Variants in GOLGA6L9 observed in about 807,000 individuals in gnomAD.
GOLGA6L9 encodes golgin A6 family like 9.
Under a neutral mutation model 51.3 loss-of-function variants are expected in GOLGA6L9, and 19 were observed. The ratio of observed to expected loss-of-function variants is 0.37; its 90% CI spans 0.26 to 0.54. The LOEUF is 0.54. Among genes scored for constraint, GOLGA6L9 ranks in the 20% least tolerant of loss-of-function variants. The pLI is 0.83. For missense variants in GOLGA6L9, 247 were observed against 464.1 expected (o/e 0.53, Z 4.30); for synonymous variants, 97 against 184.2 (o/e 0.53, Z 3.83).
chr15:82,419,215 T>C, the GOLGA6L9 span: 1 of 262,268 alleles, frequency 3.8e-6, no homozygotes, highest in Non-Finnish European at 7.7e-6. Flanking sequence ...AAGGTATGTA[T>C]TGGGTGGAGG....
chr15:82,437,315 T>TA lies in GOLGA6L9; in HGVS notation c.*905dup, dbSNP rs1359133276. On this transcript the variant is annotated 3_prime_UTR_variant, in exon 9 of 9. Transcript: ENST00000618348. ...AACCTTTTCTAGCTGAGAGCATTTA[T>TA]ATCTACAATACATTTTAAAGTCAGA... 1 of 114,830 alleles carries TA rather than the reference T, an allele frequency of 8.7e-6. No individual in the cohort carries two copies. Among genetic ancestry groups the TA allele is most frequent in the African/African-American group, 3.7e-5 (1 of 27,258 alleles). 7.1% of individuals were successfully genotyped at this position (114,830 alleles called of 1,614,324 possible). A position where few individuals can be genotyped will look rare whatever the true frequency, so the allele number is the denominator to read the frequency against.
In GOLGA6L9 at chr15:82,430,174, C is replaced by T; in HGVS notation, c.84+11C>T. The T allele has an allele frequency of 1.5e-6, 1 of 653,828 alleles. No homozygotes were observed. Among genetic ancestry groups the T allele is most frequent in the Non-Finnish European group, 2.5e-6 (1 of 396,084 alleles). The allele number at this position is 653,828 out of a possible 1,614,324, so 40.5% of individuals were successfully genotyped here. A position where few individuals can be genotyped will look rare whatever the true frequency, so the allele number is the denominator to read the frequency against. ...GCAGCCAAGAAAAAGGTAAAACACA[C>T]CAGGTCATGGCCCCCAACCCAGCCA... is the stretch of plus-strand genomic sequence containing the variant. On this transcript the variant is annotated intron_variant, in intron 1 of 8. Coordinates refer to ENST00000618348, the MANE Select transcript of GOLGA6L9 (RefSeq NM_198181.4).
chr15:82,434,105 C>T lies in GOLGA6L9; in HGVS notation c.505C>T (p.Leu169=). 1 of 1,523,112 alleles carries T rather than the reference C, an allele frequency of 6.6e-7. No homozygotes were observed. The highest frequency in any genetic ancestry group is 1.2e-5 in the South Asian group (1 of 82,966). The allele number at this position is 1,523,112 out of a possible 1,614,324, so 94.3% of individuals were successfully genotyped here. A position where few individuals can be genotyped will look rare whatever the true frequency, so the allele number is the denominator to read the frequency against. The part of the protein sequence containing the change: ...MEQLQDETNH[L]RKELESVGRQ... ...GCAGCTACAAGATGAGACCAACCAC[C>T]TAAGGAAGGAGCTAGAGAGTGTGGG... is the stretch of plus-strand genomic sequence containing the variant. The change falls in exon 6 of 9, where the codon CTA becomes TTA. Residue 169 remains leucine, a synonymous_variant. Transcript: ENST00000618348.
rs2031552915 is a variant in GOLGA6L9, at chr15:82,434,221, G to T, written c.621G>T (p.Arg207Ser). ...QEERLREQEE[R>S]LREQEERLCE... ...AGAGGCTACGTGAACAGGAGGAGAG[G>T]CTACGTGAACAGGAGGAGAGGCTGT... Residue 207 changes from arginine to serine, a missense_variant, in exon 6 of 9, where the codon AGG becomes AGT. Transcript: ENST00000618348. The T allele has an allele frequency of 1.9e-6, 3 of 1,561,508 alleles. No individual in the cohort carries two copies. In the Admixed American group the frequency reaches 5.5e-5, roughly 29 times the overall value.
chr15:82,424,654 T>C, the GOLGA6L9 span, among the ~76,000 whole-genome samples: 2 of 151,580 alleles, frequency 1.3e-5, no homozygotes, highest in Non-Finnish European at 2.9e-5. Context: ...ATGGAAGTTT[T>C]AGGGAAAACA....
In GOLGA6L9 at chr15:82,432,572, T is replaced by G. The variant is rs1401569080; in HGVS notation, c.205T>G (p.Ser69Ala). 1 of 1,602,822 alleles carries G rather than the reference T, an allele frequency of 6.2e-7. No homozygotes were observed. Among genetic ancestry groups the G allele is most frequent in the Non-Finnish European group, 8.5e-7 (1 of 1,179,488 alleles). ...TSGGYHSPGD[S>A]ATGIYGEGRA... ...CCATGTGCACTCTCATCTCTTGGAG[T>G]CAGCAACAGGTATCTACGGGGAGGG... The change falls in exon 3 of 9, where the codon TCA becomes GCA. Residue 69 changes from serine (S) to alanine (A), a missense_variant and splice_region_variant. This residue lies in a region of GOLGA6L9 where 74 missense variants were observed against 91.2 expected (regional missense o/e 0.81). Coordinates refer to ENST00000618348, the MANE Select transcript of GOLGA6L9 (RefSeq NM_198181.4).
upstream of GOLGA6L9, among the ~76,000 whole-genome samples, chr15:82,425,905 A>G (rs1435694403): frequency 1.3e-4 from 19 of 150,264 alleles, 1 homozygote; most frequent in Non-Finnish European, 2.5e-4. Context: ...CTGAAATGAT[A>G]TATAAGAAAC....
At position 82,437,699 on chromosome 15, in the gene GOLGA6L9, T is replaced by C. The variant is rs1437456072; in HGVS notation, c.*1288T>C. On this transcript the variant is annotated 3_prime_UTR_variant, in exon 9 of 9. Transcript: ENST00000618348. ...ACAAACATTATTATAAACTAATATA[T>C]GTGAGAGTACTTAGTTGAAACAAAA... 2.0e-5 allele frequency: 3 copies of C among 147,824 alleles called. No homozygotes were observed. The highest frequency in any genetic ancestry group is 4.5e-5 in the Non-Finnish European group (3 of 66,862). The allele number at this position is 147,824 out of a possible 1,614,324, so 9.2% of individuals were successfully genotyped here. A position where few individuals can be genotyped will look rare whatever the true frequency, so the allele number is the denominator to read the frequency against.
chr15:82,434,490 AGGAGACTCTGCGGGAGCT>A lies in GOLGA6L9; in HGVS notation c.896_913del (p.Thr299_Glu304del). The A allele has an allele frequency of 1.3e-6, 2 of 1,571,570 alleles. No homozygotes were observed. The highest frequency in any genetic ancestry group is 2.3e-5 in the East Asian group (1 of 43,954). On this transcript the variant is annotated inframe_deletion, in exon 6 of 9. Coordinates refer to ENST00000618348, the MANE Select transcript of GOLGA6L9 (RefSeq NM_198181.4). ...CAACAGGATGAGAGGCTGTGGCAGCAGGAGACTCTGCGGGAGCTGGAGAGGCTGCGGGAGCTGGAGAGG... is the reference window on the plus strand; with the variant it reads ...CAACAGGATGAGAGGCTGTGGCAGCAGGAGAGGCTGCGGGAGCTGGAGAGG...
chr15:82,424,526 G>A, the GOLGA6L9 span, among the ~76,000 whole-genome samples: 14 of 152,312 alleles, frequency 9.2e-5, no homozygotes, highest in South Asian at 2.3e-3. Flanking sequence ...AAACAAAAAG[G>A]AAACTATCAA....
At chr15:82,418,559 T>G in the GOLGA6L9 span, 1 of 152,224 alleles carries the variant, frequency 6.6e-6, no homozygotes, top group Non-Finnish European at 1.5e-5. Flanking sequence ...TGAAATTATT[T>G]TGTTTGAGAA....
chr15:82,429,053 A>G (rs1389644271), upstream of GOLGA6L9, among the ~76,000 whole-genome samples: 3 of 152,030 alleles, frequency 2.0e-5, no homozygotes, highest in Non-Finnish European at 4.4e-5. Context: ...TTGTGTTCCT[A>G]CTTATTTTGT....
the GOLGA6L9 span, among the ~76,000 whole-genome samples, chr15:82,416,876 C>G: frequency 6.6e-6 from 1 of 152,144 alleles, no homozygotes; most frequent in African/African-American, 2.4e-5. Context: ...ATAAGTCTCA[C>G]TCTTTGAAGT....
chr15:82,416,191 A>G, the GOLGA6L9 span, among the ~76,000 whole-genome samples: 1 of 152,158 alleles, frequency 6.6e-6, no homozygotes, highest in Non-Finnish European at 1.5e-5. Flanking sequence ...CTAGGAAAGA[A>G]TGAGGGGTTC....
At chr15:82,420,206 A>G in the GOLGA6L9 span, 4 of 182,124 alleles carry the variant, frequency 2.2e-5, no homozygotes, top group African/African-American at 7.1e-5. Context: ...TTTTGTTACA[A>G]AGATGATCTA....
intron 1 of GOLGA6L9, 151 bp downstream of exon 1, chr15:82,430,314 T>C: frequency 6.7e-6 from 2 of 299,112 alleles, no homozygotes; most frequent in South Asian, 2.3e-5. Context: ...GCCTAGTCAG[T>C]CAGCCCCACC....
chr15:82,417,902 TGA>T, the GOLGA6L9 span, among the ~76,000 whole-genome samples: 2 of 152,144 alleles, frequency 1.3e-5, no homozygotes, highest in Non-Finnish European at 2.9e-5. Flanking sequence ...ATTTAAGGAG[TGA>T]GAGAGAGATT....
rs1182565619 is a variant in GOLGA6L9 at position 82,429,863 on chromosome 15, C to G, written c.-217C>G. On this transcript the variant is annotated 5_prime_UTR_variant, in exon 1 of 9. Transcript: ENST00000618348. ...GCGGGGACAGCGGTTGCATGGGCAG[C>G]TTTCCTTATGATGCTACAGGTCCCT... Among the ~76,000 whole-genome samples, 126 of 152,208 alleles carry G rather than the reference C, an allele frequency of 8.3e-4. No individual in the cohort carries two copies. The highest frequency in any genetic ancestry group is 1.3e-3 in the Non-Finnish European group (89 of 68,024).
chr15:82,433,283 A>G (rs2031493687), intron 4 of GOLGA6L9, among the ~76,000 whole-genome samples: 1 of 151,940 alleles, frequency 6.6e-6, no homozygotes, highest in African/African-American at 2.4e-5. Context: ...GAGGAGGTAG[A>G]GAGTATCAAA....
Sources: gnomAD v4.1 joint callset for allele counts (sites outside exome capture counted in the v4.1 genomes callset) on GRCh38, gnomAD v4.1.1 for gene constraint, gnomAD v4.1.1 regional missense constraint, MANE v1.5 for transcripts, NCBI Gene and HGNC (gene_info 2026-07-23, HGNC 2026-07-21) for gene names.